Variants in CA10 observed in about 807,000 individuals in gnomAD.
CA10 encodes carbonic anhydrase-related protein 10.
A neutral mutation model predicts 44.2 loss-of-function variants in CA10; 14 were observed. That is an observed-to-expected ratio of 0.32 (90% CI 0.21 to 0.50). The LOEUF (loss-of-function observed/expected upper bound fraction) is 0.50. Among genes scored for constraint, CA10 ranks in the 20% least tolerant of loss-of-function variants. CA10 has a pLI of 0.99. For synonymous variants in CA10, 159 were observed against 141.6 expected (o/e 1.12, Z -0.87); for missense variants, 350 against 409.7 (o/e 0.85, Z 1.26).
At chr17:51,939,612 C>T (rs943468994) in intron 2 of CA10, among the ~76,000 whole-genome samples, 2 of 152,074 alleles carry the variant, frequency 1.3e-5, no homozygotes, top group East Asian at 1.9e-4. Context: ...TAGCAATCTA[C>T]AGGAAGAAAT....
chr17:51,720,873 T>G (rs1186939899), intron 4 of CA10, among the ~76,000 whole-genome samples: 1 of 152,120 alleles, frequency 6.6e-6, no homozygotes, highest in African/African-American at 2.4e-5. Flanking sequence ...GTATGTATAC[T>G]TTAAAATTGC....
At chr17:52,141,348 G>T (rs776083428) in intron 1 of CA10, among the ~76,000 whole-genome samples, 3 of 152,198 alleles carry the variant, frequency 2.0e-5, no homozygotes, top group Non-Finnish European at 4.4e-5. Context: ...CAAAAGTCAA[G>T]ACAGTTCTGA....
intron 4 of CA10, among the ~76,000 whole-genome samples, chr17:51,717,665 A>ACATATATG (rs1160177172): frequency 0.069 from 2,653 of 38,694 alleles, 699 homozygotes; most frequent in Non-Finnish European, 0.11. Context: ...ACGTATATAT[A>ACATATATG]CATGTATATA....
chr17:51,712,346 T>C (rs1218508970), intron 4 of CA10, among the ~76,000 whole-genome samples: 1 of 152,238 alleles, frequency 6.6e-6, no homozygotes, highest in Admixed American at 6.5e-5. Flanking sequence ...ACCTCAGTTG[T>C]CCAATCTTTA....
In CA10 at chr17:51,721,676, A is replaced by T. The variant is rs943939052; in HGVS notation, c.465+25957T>A. ...TAAGATGTATGAATTAAAAAAAAAA[A>T]TCCTATCCATCTGGTGAGGGGTCAT... On this transcript the variant is annotated intron_variant, in intron 4 of 8. Transcript: ENST00000451037. 3.3e-5 allele frequency among the ~76,000 whole-genome samples: 5 copies of T among 152,076 alleles called. 1 individual carries two copies.
At chr17:51,778,416 C>A (rs1446375003) in intron 3 of CA10, among the ~76,000 whole-genome samples, 1 of 152,168 alleles carries the variant, frequency 6.6e-6, no homozygotes, top group Non-Finnish European at 1.5e-5. Flanking sequence ...TAAGCTTGCT[C>A]AGGGGCATAG....
chr17:52,148,265 A>G (rs1306500553), intron 1 of CA10, among the ~76,000 whole-genome samples: 1 of 152,194 alleles, frequency 6.6e-6, no homozygotes, highest in African/African-American at 2.4e-5. Context: ...CCCAAGTAGG[A>G]ACTTGGTAAG....
At chr17:51,769,826 G>T (rs1286887335) in intron 3 of CA10, among the ~76,000 whole-genome samples, 1 of 152,148 alleles carries the variant, frequency 6.6e-6, no homozygotes, top group South Asian at 2.1e-4. Flanking sequence ...AGAAGCCAAC[G>T]TGGTTGATGA....
At chr17:52,110,812 C>T (rs1018484007) in intron 1 of CA10, among the ~76,000 whole-genome samples, 1 of 152,108 alleles carries the variant, frequency 6.6e-6, no homozygotes, top group Non-Finnish European at 1.5e-5. Flanking sequence ...CACAGAAGGA[C>T]GTATCCTCCA....
intron 1 of CA10, among the ~76,000 whole-genome samples, chr17:52,086,942 C>T (rs529226144): frequency 1.3e-5 from 2 of 152,152 alleles, no homozygotes; most frequent in African/African-American, 4.8e-5. Context: ...ACATATTGAC[C>T]CATATTTTGT....
At chr17:51,644,270 G>A (rs887412775) in intron 6 of CA10, among the ~76,000 whole-genome samples, 2 of 151,390 alleles carry the variant, frequency 1.3e-5, no homozygotes, top group African/African-American at 4.9e-5. Flanking sequence ...ATTTCACCCC[G>A]CTGCCTCCAT....
At chr17:51,651,342 G>C (rs900741395) in intron 5 of CA10, among the ~76,000 whole-genome samples, 2 of 152,162 alleles carry the variant, frequency 1.3e-5, no homozygotes, top group African/African-American at 4.8e-5. Context: ...ATGAGTGAAT[G>C]GTCAGTCACA....
intron 2 of CA10, among the ~76,000 whole-genome samples, chr17:52,017,626 T>C (rs558861375): frequency 1.3e-5 from 2 of 152,182 alleles, no homozygotes; most frequent in African/African-American, 4.8e-5. Flanking sequence ...AGGCATAACT[T>C]AAAGTTTGAA....
At chr17:51,782,877 A>T (rs1438310640) in intron 3 of CA10, among the ~76,000 whole-genome samples, 2 of 152,218 alleles carry the variant, frequency 1.3e-5, no homozygotes, top group African/African-American at 4.8e-5. Context: ...GTGACGTATC[A>T]GTGTCACTGA....
intron 3 of CA10, among the ~76,000 whole-genome samples, chr17:51,843,383 C>T (rs1340038707): frequency 6.6e-6 from 1 of 152,194 alleles, no homozygotes; most frequent in African/African-American, 2.4e-5. Flanking sequence ...GACATCCTGT[C>T]ATTTATTTTT....
intron 3 of CA10, among the ~76,000 whole-genome samples, chr17:51,896,136 A>G (rs1192331082): frequency 1.3e-5 from 2 of 152,032 alleles, no homozygotes; most frequent in African/African-American, 2.4e-5. Context: ...CAGGTTTGGT[A>G]TATAGGTAAA....
intron 2 of CA10, among the ~76,000 whole-genome samples, chr17:52,067,452 G>A (rs1201753862): frequency 6.6e-6 from 1 of 152,260 alleles, no homozygotes; most frequent in Non-Finnish European, 1.5e-5. Flanking sequence ...GTTTGCTGCA[G>A]TGGGGAGCCC....
chr17:51,887,002 G>A (rs1980633111), intron 3 of CA10, among the ~76,000 whole-genome samples: 1 of 152,088 alleles, frequency 6.6e-6, no homozygotes, highest in African/African-American at 2.4e-5. Flanking sequence ...ACTTGGGACT[G>A]AATCACACCA....
intron 3 of CA10, among the ~76,000 whole-genome samples, chr17:51,911,863 C>T (rs766213585): frequency 9.2e-5 from 14 of 152,092 alleles, no homozygotes; most frequent in African/African-American, 1.7e-4. Context: ...TATCAAGCAC[C>T]GACAAACAAT....
Sources: gnomAD v4.1 joint callset for allele counts (sites outside exome capture counted in the v4.1 genomes callset) on GRCh38, gnomAD v4.1.1 for gene constraint, MANE v1.5 for transcripts, NCBI Gene and HGNC (gene_info 2026-07-23, HGNC 2026-07-21) for gene names.